The following ANKMY2 variants were observed in gnomAD, a reference collection of about 807,000 sequenced individuals.
ANKMY2 encodes ankyrin repeat and MYND domain containing 2.
In ANKMY2, 36 loss-of-function variants were observed where a neutral mutation model predicts 50.4. The observed-to-expected ratio is 0.71, with a 90% confidence interval of 0.55 to 0.94. ANKMY2 has a LOEUF of 0.94. ANKMY2 is among the 40% of genes least tolerant of loss of function. The probability of loss-of-function intolerance (pLI) is 0.00; values close to 1 mark genes in which losing one functional copy is unlikely to be tolerated. For synonymous variants in ANKMY2, 187 were observed against 178.8 expected (o/e 1.05, Z -0.36); for missense variants, 565 against 524.0 (o/e 1.08, Z -0.76).
intron 1 of ANKMY2, among the ~76,000 whole-genome samples, chr7:16,636,709 C>T (rs1158960749): frequency 6.6e-6 from 1 of 152,036 alleles, no homozygotes; most frequent in African/African-American, 2.4e-5. Flanking sequence ...ATTACATTGG[C>T]CACATTTTCC....
chr7:16,626,426 G>A (rs186599434), intron 3 of ANKMY2, among the ~76,000 whole-genome samples: 87 of 152,144 alleles, frequency 5.7e-4, no homozygotes, highest in Middle Eastern at 3.4e-3. Flanking sequence ...TTTGGATTCT[G>A]TGGTTTATAT....
intron 4 of ANKMY2, among the ~76,000 whole-genome samples, chr7:16,623,575 C>G (rs1781471276): frequency 6.6e-6 from 1 of 152,126 alleles, no homozygotes; most frequent in African/African-American, 2.4e-5. Context: ...TCTTTGCATA[C>G]AGATCAGAAA....
intron 9 of ANKMY2, among the ~76,000 whole-genome samples, chr7:16,601,614 A>G (rs1781064664): frequency 6.6e-6 from 1 of 152,266 alleles, no homozygotes; most frequent in African/African-American, 2.4e-5. Context: ...CACTGAGAGT[A>G]TATCTCAACC....
chr7:16,618,568 T>A (rs1562772173), intron 4 of ANKMY2, among the ~76,000 whole-genome samples: 1 of 152,210 alleles, frequency 6.6e-6, no homozygotes, highest in South Asian at 2.1e-4. Flanking sequence ...CCAATTTCTT[T>A]CTTTTTGGGG....
At chr7:16,627,955 T>C (rs1000603853) in intron 2 of ANKMY2, among the ~76,000 whole-genome samples, 1 of 152,298 alleles carries the variant, frequency 6.6e-6, no homozygotes, top group African/African-American at 2.4e-5. Flanking sequence ...ATTTTGATCA[T>C]ACATATGATT....
At chr7:16,629,852 G>C (rs933950789) in intron 2 of ANKMY2, among the ~76,000 whole-genome samples, 1 of 152,172 alleles carries the variant, frequency 6.6e-6, no homozygotes, top group Non-Finnish European at 1.5e-5. Flanking sequence ...CTAGTACCAT[G>C]TGATTTATAA....
intron 8 of ANKMY2, among the ~76,000 whole-genome samples, chr7:16,604,356 G>T (rs1781119123): frequency 6.6e-6 from 1 of 152,220 alleles, no homozygotes; most frequent in South Asian, 2.1e-4. Flanking sequence ...GAAGAGTAAA[G>T]AATGTATATT....
At chr7:16,622,651 A>T (rs1781452700) in intron 4 of ANKMY2, among the ~76,000 whole-genome samples, 1 of 152,010 alleles carries the variant, frequency 6.6e-6, no homozygotes, top group African/African-American at 2.4e-5. Flanking sequence ...GAGGCAGGAG[A>T]ATCACTTGAA....
At chr7:16,637,713 A>G (rs1162643319) in intron 1 of ANKMY2, among the ~76,000 whole-genome samples, 2 of 152,254 alleles carry the variant, frequency 1.3e-5, no homozygotes, top group Non-Finnish European at 2.9e-5. Flanking sequence ...GACTTTCTCA[A>G]AAATCTTTAT....
intron 4 of ANKMY2, among the ~76,000 whole-genome samples, chr7:16,619,209 A>C (rs1446485544): frequency 6.6e-6 from 1 of 150,668 alleles, no homozygotes; most frequent in East Asian, 2.0e-4. Context: ...GCTAGAGTGC[A>C]ATGGCGCGAT....
At chr7:16,645,429 G>C in intron 1 of ANKMY2, 78 bp downstream of exon 1, 1 of 1,420,822 alleles carries the variant, frequency 7.0e-7, no homozygotes, top group South Asian at 1.4e-5. Context: ...AGGTCACCCA[G>C]GCCAGGAGCG....
Position 16,645,541 on chromosome 7 carries a change from C to T in ANKMY2, c.33G>A (p.Gln11=). MVHIKKGELT[Q]EEKELLEVIG... Reference sequence around the variant, plus strand: ...TGACTTCCAGTAGCTCCTTCTCCTCCTGGGTCAGCTCGCCTTTCTTTATGT... The same window carrying T: ...TGACTTCCAGTAGCTCCTTCTCCTCTTGGGTCAGCTCGCCTTTCTTTATGT... Residue 11 remains glutamine (Q), a synonymous_variant, in exon 1 of 10, where the codon CAG becomes CAA. Coordinates refer to ENST00000306999, the MANE Select transcript of ANKMY2 (RefSeq NM_020319.3). 6.2e-7 allele frequency: 1 copy of T among 1,612,284 alleles called. No homozygotes were observed. Among genetic ancestry groups the T allele is most frequent in the African/African-American group, 1.3e-5 (1 of 74,920 alleles).
In ANKMY2 at chr7:16,602,463, T is replaced by G. The variant is rs2128341477; in HGVS notation, c.1058A>C (p.His353Pro). The G allele has an allele frequency of 6.2e-7, 1 of 1,613,970 alleles. No homozygotes were observed. Among genetic ancestry groups the G allele is most frequent in the East Asian group, 2.2e-5 (1 of 44,870 alleles). The change falls in exon 9 of 10, where the codon CAT becomes CCT. Residue 353 changes from histidine to proline, a missense_variant. His to Pro is a moderately conservative substitution (Grantham distance 77). Coordinates refer to ENST00000306999, the MANE Select transcript of ANKMY2 (RefSeq NM_020319.3). Reference sequence around the variant, plus strand: ...CTTCAGATTCTTACAGATTTTCTTATGAGTAAACCAGTGTGTTTTCTGGCA... The same window carrying G: ...CTTCAGATTCTTACAGATTTTCTTAGGAGTAAACCAGTGTGTTTTCTGGCA... ...QTCQKTHWFTHKKICKNLKDI... is the reference protein window; with the variant it reads ...QTCQKTHWFTPKKICKNLKDI...
intron 4 of ANKMY2, among the ~76,000 whole-genome samples, chr7:16,616,919 G>T (rs1289229376): frequency 1.3e-5 from 2 of 152,220 alleles, no homozygotes; most frequent in Non-Finnish European, 1.5e-5. Flanking sequence ...GCTGGACGCT[G>T]GCGCTTGAGG....
intron 7 of ANKMY2, among the ~76,000 whole-genome samples, chr7:16,605,607 C>A (rs1032256491): frequency 2.0e-5 from 3 of 151,538 alleles, no homozygotes; most frequent in African/African-American, 7.3e-5. Context: ...AAGCAATTCT[C>A]CTGCCTCAGC....
At chr7:16,629,500 C>A (rs1781549206) in intron 2 of ANKMY2, among the ~76,000 whole-genome samples, 1 of 151,980 alleles carries the variant, frequency 6.6e-6, no homozygotes, top group Non-Finnish European at 1.5e-5. Context: ...GGCGCCACTG[C>A]ACTCCAGCCT....
At chr7:16,610,385 ATATAAG>A (rs1170153864) in intron 6 of ANKMY2, among the ~76,000 whole-genome samples, 158 bp downstream of exon 6, 1 of 152,222 alleles carries the variant, frequency 6.6e-6, no homozygotes, top group Non-Finnish European at 1.5e-5. Context: ...TAATCACTCA[ATATAAG>A]TATAATATTA....
At chr7:16,618,980 T>A (rs1281064574) in intron 4 of ANKMY2, among the ~76,000 whole-genome samples, 5 of 152,128 alleles carry the variant, frequency 3.3e-5, no homozygotes, top group Non-Finnish European at 7.4e-5. Flanking sequence ...ATATGAAGAC[T>A]TGAAGATAAA....
intron 1 of ANKMY2, among the ~76,000 whole-genome samples, chr7:16,641,005 T>C (rs1156728428): frequency 6.6e-6 from 1 of 152,208 alleles, no homozygotes; most frequent in Non-Finnish European, 1.5e-5. Context: ...CATATGGATA[T>C]AGATTTTGAT....
Sources: gnomAD v4.1 joint callset for allele counts (sites outside exome capture counted in the v4.1 genomes callset) on GRCh38, gnomAD v4.1.1 for gene constraint, MANE v1.5 for transcripts, NCBI Gene and HGNC (gene_info 2026-07-23, HGNC 2026-07-21) for gene names.